SCAF4: variants seen among roughly 807,000 people sequenced by gnomAD.
The protein encoded by SCAF4 is SR-related CTD associated factor 4, also known as SR-related and CTD-associated factor 4.
A neutral mutation model predicts 129.8 loss-of-function variants in SCAF4; 25 were observed. The ratio of observed to expected loss-of-function variants is 0.19; its 90% confidence interval spans 0.14 to 0.27. The LOEUF is 0.27. SCAF4 is among the 10% of genes least tolerant of loss of function. The pLI is 1.00. For missense variants in SCAF4, 1,246 were observed against 1,457.1 expected, an observed-to-expected ratio of 0.86 and a Z score of 2.36; for synonymous variants, 551 against 497.7, an observed-to-expected ratio of 1.11 and a Z score of -1.43.
chr21:31,727,034 A>G (rs2051222775), intron 1 of SCAF4, among the ~76,000 whole-genome samples: 1 of 152,040 alleles, frequency 6.6e-6, no homozygotes, highest in Non-Finnish European at 1.5e-5. Context: ...AATAGTAACA[A>G]CTGTATATTC....
At chr21:31,695,027 T>C (rs749658603) in intron 9 of SCAF4, 47 bp from the exon 10 acceptor site, 8 of 1,513,488 alleles carry the variant, frequency 5.3e-6, no homozygotes, top group African/African-American at 2.8e-5. Flanking sequence ...TCAAAATAAT[T>C]TGGAAAACCT....
At chr21:31,702,444 CA>C (rs966456039) in intron 4 of SCAF4, 65 bp from the exon 5 acceptor site, 72 of 1,390,120 alleles carry the variant, frequency 5.2e-5, no homozygotes, top group Admixed American at 1.9e-4. Flanking sequence ...TATACTCTTA[CA>C]AAAAAAAGAG....
At position 31,716,849 on chromosome 21, in the gene SCAF4, T is replaced by C. The variant is rs2050931773; in HGVS notation, c.31-10492A>G. On this transcript the variant is annotated intron_variant, in intron 1 of 19. Transcript: ENST00000286835. ...GGGCGAGGAAAGAAAGCCAATCACA[T>C]GTTAAACAAGTACCACTATGTCACT... 2.6e-5 allele frequency among the ~76,000 whole-genome samples: 4 copies of C among 152,292 alleles called. No individual in the cohort carries two copies. The South Asian group carries it at 8.3e-4, about 32-fold the overall frequency.
chr21:31,682,310 C>T (rs531946852), intron 19 of SCAF4, among the ~76,000 whole-genome samples: 6 of 150,956 alleles, frequency 4.0e-5, no homozygotes, highest in South Asian at 2.1e-4. Flanking sequence ...ACTTGGGAGG[C>T]GGAGGCTGCA....
rs1457953363 is a variant in SCAF4 at position 31,671,167 on chromosome 21, C to CA, written c.*231dup. ...TTACGATTTGTAAACTTTTTAAAGT[C>CA]AAAACTTTTAAAAAGTTACAGCAAA... On this transcript the variant is annotated 3_prime_UTR_variant, in exon 20 of 20. Transcript: ENST00000286835. The CA allele has an allele frequency of 7.8e-6, 3 of 382,422 alleles. No homozygotes were observed. Among genetic ancestry groups the CA allele is most frequent in the African/African-American group, 2.1e-5 (1 of 47,200 alleles). The allele number at this position is 382,422 out of a possible 1,614,324, so 23.7% of individuals were successfully genotyped here.
At chr21:31,711,839 C>T (rs953956184) in intron 1 of SCAF4, among the ~76,000 whole-genome samples, 2 of 151,952 alleles carry the variant, frequency 1.3e-5, no homozygotes. Context: ...TTAAGTGGCA[C>T]AGAGGTATAA....
chr21:31,685,827 G>A, intron 16 of SCAF4, 94 bp from the exon 17 acceptor site: 1 of 1,244,286 alleles, frequency 8.0e-7, no homozygotes, highest in Non-Finnish European at 1.1e-6. Context: ...TGAAAAAATA[G>A]ATGTTTCTTA....
intron 14 of SCAF4, 118 bp downstream of exon 14, chr21:31,691,699 A>G: frequency 2.5e-6 from 1 of 397,758 alleles, no homozygotes; most frequent in Non-Finnish European, 4.5e-6. Flanking sequence ...AAAGATGCAC[A>G]TGAAATGCCT....
intron 2 of SCAF4, among the ~76,000 whole-genome samples, chr21:31,705,703 A>G (rs1183884087): frequency 6.6e-6 from 1 of 152,180 alleles, no homozygotes; most frequent in East Asian, 1.9e-4. Flanking sequence ...ATTTTAAATC[A>G]ATAAACCTTC....
chr21:31,696,028 T>G, intron 9 of SCAF4, 85 bp downstream of exon 9: 1 of 821,546 alleles, frequency 1.2e-6, no homozygotes, highest in Non-Finnish European at 1.9e-6. Flanking sequence ...GCCAATTACA[T>G]AGCTGCAGAG....
chr21:31,698,074 T>TA (rs2050430670), intron 7 of SCAF4, among the ~76,000 whole-genome samples: 1 of 152,182 alleles, frequency 6.6e-6, no homozygotes, highest in Non-Finnish European at 1.5e-5. Flanking sequence ...AAGTCGCCTA[T>TA]AAAAAACAAA....
intron 3 of SCAF4, 110 bp downstream of exon 3, chr21:31,705,313 T>G (rs539708184): frequency 1.9e-6 from 1 of 539,920 alleles, no homozygotes; most frequent in East Asian, 3.6e-5. Flanking sequence ...GAACCTCTAG[T>G]GACTAAATTT....
intron 1 of SCAF4, among the ~76,000 whole-genome samples, chr21:31,714,141 A>T (rs2050870507): frequency 6.6e-6 from 1 of 152,082 alleles, no homozygotes; most frequent in Admixed American, 6.5e-5. Context: ...TCTGCTTGAT[A>T]GGTATCAGTT....
Position 31,672,078 on chromosome 21 carries a change from G to A in SCAF4, c.2765C>T (p.Pro922Leu). Residue 922 changes from proline to leucine, a missense_variant, in exon 20 of 20, where the codon CCA becomes CTA. By Grantham distance (98) the Pro-to-Leu change is moderately conservative. Around this residue, in one of 6 missense-constraint regions of SCAF4, gnomAD observed 339 missense variants for 325.0 expected, o/e 1.04. Coordinates refer to ENST00000286835, the MANE Select transcript of SCAF4 (RefSeq NM_020706.2). ...GCCTGGCCCTGGGCCCCCGAGCCCT[G>A]GCATTCCACCAGGCCTAACAAAGGG... ...HGPFVRPGGM[P>L]GLGGPGPGPG... The A allele has an allele frequency of 6.2e-7, 1 of 1,613,500 alleles. No homozygotes were observed. The highest frequency in any genetic ancestry group is 8.5e-7 in the Non-Finnish European group (1 of 1,179,542).
chr21:31,674,994 G>C (rs1370350616), intron 19 of SCAF4, among the ~76,000 whole-genome samples: 2 of 152,114 alleles, frequency 1.3e-5, no homozygotes, highest in African/African-American at 4.8e-5. Context: ...AGTCATCGGG[G>C]GTGTCTGAAT....
At chr21:31,676,787 C>T (rs1234250920) in intron 19 of SCAF4, among the ~76,000 whole-genome samples, 1 of 152,160 alleles carries the variant, frequency 6.6e-6, no homozygotes, top group African/African-American at 2.4e-5. Flanking sequence ...CTATCACAAT[C>T]AACTTTAGAA....
chr21:31,716,771 T>C (rs773079662), intron 1 of SCAF4, among the ~76,000 whole-genome samples: 8 of 152,136 alleles, frequency 5.3e-5, no homozygotes, highest in Non-Finnish European at 1.0e-4. Context: ...CAATATATAA[T>C]TTACTAAATG....
At chr21:31,724,810 C>A (rs1188622535) in intron 1 of SCAF4, among the ~76,000 whole-genome samples, 1 of 152,092 alleles carries the variant, frequency 6.6e-6, no homozygotes, top group East Asian at 1.9e-4. Context: ...GTTTAGAAAC[C>A]AACTTTTCCA....
chr21:31,691,049 G>T, intron 14 of SCAF4, 96 bp from the exon 15 acceptor site: 1 of 1,015,402 alleles, frequency 9.8e-7, no homozygotes, highest in Non-Finnish European at 1.4e-6. Context: ...TCCGACTCGG[G>T]CACCAAGGGA....
Sources: gnomAD v4.1 joint callset for allele counts (sites outside exome capture counted in the v4.1 genomes callset) on GRCh38, gnomAD v4.1.1 for gene constraint, gnomAD v4.1.1 regional missense constraint, MANE v1.5 for transcripts, NCBI Gene and HGNC (gene_info 2026-07-23, HGNC 2026-07-21) for gene names.